Variants in LRRK1 observed in about 807,000 individuals in gnomAD.
LRRK1 encodes leucine rich repeat kinase 1.
Under a neutral mutation model 209.1 loss-of-function variants are expected in LRRK1, and 113 were observed. That is an observed-to-expected ratio of 0.54 (90% CI 0.46 to 0.63). The LOEUF (loss-of-function observed/expected upper bound fraction) is 0.63, where lower values mean the gene tolerates loss of function less well. LRRK1 is among the 30% of genes least tolerant of loss of function. LRRK1 has a pLI of 0.00. For synonymous variants in LRRK1, 1,144 were observed against 1,099.7 expected, an observed-to-expected ratio of 1.04 and a Z score of -0.80; for missense variants, 2,284 against 2,632.2, an observed-to-expected ratio of 0.87 and a Z score of 2.89.
At position 100,956,455 on chromosome 15, in the gene LRRK1, C is replaced by CTTTTTCTTTTCTTTTTTTTTTTTTTTTTT; in HGVS notation, c.98-17344_98-17343insCTTTTCTTTTTTTTTTTTTTTTTTTTTTT. 2.8e-4 allele frequency among the ~76,000 whole-genome samples: 17 copies of CTTTTTCTTTTCTTTTTTTTTTTTTTTTTT among 60,534 alleles called. 4 individuals carry two copies. Among genetic ancestry groups the CTTTTTCTTTTCTTTTTTTTTTTTTTTTTT allele is most frequent in the African/African-American group, 9.4e-4 (11 of 11,720 alleles). 39.7% of individuals were successfully genotyped at this position (60,534 alleles called of 152,430 possible). A position where few individuals can be genotyped will look rare whatever the true frequency, so the allele number is the denominator to read the frequency against. On this transcript the variant is annotated intron_variant, in intron 2 of 33. Coordinates refer to ENST00000388948, the MANE Select transcript of LRRK1 (RefSeq NM_024652.6). ...TTCGCTTTTCTTTCCTTTTTTTTTT[C>CTTTTTCTTTTCTTTTTTTTTTTTTTTTTT]TTTTTTTTTTTTTTTTTTGAGACAG...
chr15:100,946,247 A>G (rs1180808800), intron 2 of LRRK1, among the ~76,000 whole-genome samples: 1 of 152,220 alleles, frequency 6.6e-6, no homozygotes, highest in African/African-American at 2.4e-5. Context: ...AAAAAGTATA[A>G]TAAATTTTAC....
At chr15:100,925,540 A>G (rs1204082905) in intron 2 of LRRK1, among the ~76,000 whole-genome samples, 1 of 152,182 alleles carries the variant, frequency 6.6e-6, no homozygotes, top group Admixed American at 6.5e-5. Context: ...TCTGTAATGC[A>G]GGTTTACAGA....
At chr15:101,002,099 T>G (rs983461491) in intron 6 of LRRK1, among the ~76,000 whole-genome samples, 2 of 152,214 alleles carry the variant, frequency 1.3e-5, no homozygotes, top group Non-Finnish European at 2.9e-5. Context: ...AGCTCTTCAT[T>G]GAACAATTTT....
chr15:101,008,014 G>A (rs918673700), intron 6 of LRRK1, among the ~76,000 whole-genome samples: 1 of 151,822 alleles, frequency 6.6e-6, no homozygotes, highest in African/African-American at 2.4e-5. Context: ...AAAATTAGCC[G>A]TGAGTGGTGG....
chr15:101,019,738 T>G (rs1032291574), intron 12 of LRRK1, among the ~76,000 whole-genome samples: 2 of 152,214 alleles, frequency 1.3e-5, no homozygotes, highest in African/African-American at 2.4e-5. Flanking sequence ...ATGAGAGGGC[T>G]TTGAGGCAGT....
At chr15:100,950,307 C>T (rs1361066391) in intron 2 of LRRK1, among the ~76,000 whole-genome samples, 3 of 152,008 alleles carry the variant, frequency 2.0e-5, no homozygotes, top group African/African-American at 7.2e-5. Context: ...GATTTATACA[C>T]CAAAAACTGC....
intron 29 of LRRK1, among the ~76,000 whole-genome samples, chr15:101,060,297 G>A (rs551907185): frequency 1.1e-4 from 17 of 152,146 alleles, no homozygotes; most frequent in Admixed American, 9.8e-4. Flanking sequence ...CAGGGAACAG[G>A]GGCAATTATT....
chr15:100,946,532 A>G (rs769674845), intron 2 of LRRK1, among the ~76,000 whole-genome samples: 2 of 152,166 alleles, frequency 1.3e-5, no homozygotes, highest in Non-Finnish European at 2.9e-5. Context: ...GGGGTAACAT[A>G]TTGCTTTCTC....
At chr15:100,999,254 A>G (rs931299230) in intron 6 of LRRK1, among the ~76,000 whole-genome samples, 9 of 151,712 alleles carry the variant, frequency 5.9e-5, no homozygotes, top group Admixed American at 3.3e-4. Context: ...AATATTACAG[A>G]AAAAAGTACA....
At chr15:101,038,622 G>A (rs1473860252) in intron 20 of LRRK1, among the ~76,000 whole-genome samples, 2 of 152,184 alleles carry the variant, frequency 1.3e-5, no homozygotes, top group African/African-American at 4.8e-5. Context: ...TCTCAGCCTA[G>A]CAGGCTGCCT....
At chr15:100,953,508 CTATATATA>C (rs60971994) in intron 2 of LRRK1, among the ~76,000 whole-genome samples, 27,896 of 146,512 alleles carry the variant, frequency 0.19, 2,970 homozygotes, top group East Asian at 0.5. Context: ...ATGTGTGTGT[CTATATATA>C]TATATATATA....
At chr15:100,988,604 C>T (rs771350671) in intron 4 of LRRK1, 30 bp from the exon 5 acceptor site, 6 of 1,611,922 alleles carry the variant, frequency 3.7e-6, no homozygotes, top group Admixed American at 1.7e-5. Flanking sequence ...TTCAGTGGCA[C>T]TTTCCCTTTG....
intron 2 of LRRK1, among the ~76,000 whole-genome samples, chr15:100,950,208 C>T (rs2042618565): frequency 7.0e-6 from 1 of 143,818 alleles, no homozygotes. Flanking sequence ...TATCACTTAA[C>T]AATCTGAAAA....
Position 101,022,690 on chromosome 15 carries a change from C to T in LRRK1, c.2067+93C>T. On this transcript the variant is annotated intron_variant, in intron 15 of 33. Transcript: ENST00000388948. This position sits in a 1 kb window ranked among gnomAD's most constrained non-coding sequence, Gnocchi z 4.0. ...CTCCCCAGAGAGCCCAGGATTTTCT[C>T]AGCCTGGTGTCCAAAGCTCAGGCCC... 1.1e-6 allele frequency: 1 copy of T among 917,070 alleles called. No homozygotes were observed. The highest frequency in any genetic ancestry group is 1.7e-5 in the South Asian group (1 of 59,810). 56.8% of individuals were successfully genotyped at this position (917,070 alleles called of 1,614,324 possible).
rs756551316 is a variant in LRRK1 at position 101,024,934 on chromosome 15, G to A, written c.2199G>A (p.Val733=). The change falls in exon 16 of 34, where the codon GTG becomes GTA. Residue 733 remains valine, a synonymous_variant. Coordinates refer to ENST00000388948, the MANE Select transcript of LRRK1 (RefSeq NM_024652.6). The surrounding 1 kb of genome is among the most constrained non-coding windows in gnomAD (Gnocchi z 4.6). ...ACCTGGCGCTGGGGGAGGAGGCCGT[G>A]GCCAACCTCCAGTTCTGGCTGCTCA... ...VWNLALGEEA[V]ANLQFWLLNI... 1 of 1,613,840 alleles carries A rather than the reference G, an allele frequency of 6.2e-7. No individual in the cohort carries two copies.
At chr15:101,031,829 G>T (rs774247733) in intron 20 of LRRK1, among the ~76,000 whole-genome samples, 5 of 152,034 alleles carry the variant, frequency 3.3e-5, no homozygotes, top group Non-Finnish European at 5.9e-5. Flanking sequence ...CTGCCTCCCG[G>T]GTTCTTGCCA....
intron 2 of LRRK1, among the ~76,000 whole-genome samples, chr15:100,943,989 T>C (rs537376982): frequency 6.4e-4 from 98 of 152,202 alleles, no homozygotes; most frequent in South Asian, 1.5e-3. Context: ...TGATCCCTTA[T>C]CTTAAATGTT....
At position 101,000,705 on chromosome 15, in the gene LRRK1, G is replaced by A. The variant is rs189302506; in HGVS notation, c.763-8132G>A. On this transcript the variant is annotated intron_variant, in intron 6 of 33. Transcript: ENST00000388948. Reference sequence around the variant, plus strand: ...CCCTGTGTCTTCACATCGTCTTCCCGTTGTCTGCCTCTGTTCACGTTTCTC... The same window carrying A: ...CCCTGTGTCTTCACATCGTCTTCCCATTGTCTGCCTCTGTTCACGTTTCTC... Among the ~76,000 whole-genome samples the A allele has an allele frequency of 3.7e-3, 560 of 152,256 alleles. 4 individuals carry two copies. Among genetic ancestry groups the A allele is most frequent in the Middle Eastern group, 0.024 (7 of 294 alleles).
At chr15:100,941,569 CG>C (rs1567191408) in intron 2 of LRRK1, among the ~76,000 whole-genome samples, 1 of 150,280 alleles carries the variant, frequency 6.7e-6, no homozygotes, top group Admixed American at 6.7e-5. Context: ...AGAGGAGTTT[CG>C]TGCTTCTCTT....
Sources: gnomAD v4.1 joint callset for allele counts (sites outside exome capture counted in the v4.1 genomes callset) on GRCh38, gnomAD v4.1.1 for gene constraint, Gnocchi (gnomAD v3.1) non-coding constraint, MANE v1.5 for transcripts, NCBI Gene and HGNC (gene_info 2026-07-23, HGNC 2026-07-21) for gene names.